The following KIF6 variants were observed in gnomAD, a reference collection of about 807,000 sequenced individuals.
KIF6 encodes the protein kinesin family member 6.
In KIF6, 106 loss-of-function variants were observed where a neutral mutation model predicts 112.7. That is an observed-to-expected ratio of 0.94 (90% CI 0.80 to 1.11). The LOEUF (loss-of-function observed/expected upper bound fraction) is 1.11, where lower values mean the gene tolerates loss of function less well. Ranked by LOEUF, KIF6 falls within the 50% of genes least tolerant of loss-of-function variation. The probability of loss-of-function intolerance (pLI) is 0.00; values close to 1 mark genes in which losing one functional copy is unlikely to be tolerated. For missense variants in KIF6, 929 were observed against 964.0 expected, an observed-to-expected ratio of 0.96 and a Z score of 0.48; for synonymous variants, 339 against 339.9, an observed-to-expected ratio of 1.00 and a Z score of 0.03.
At chr6:39,414,929 C>T (rs547211084) in intron 15 of KIF6, among the ~76,000 whole-genome samples, 1 of 152,210 alleles carries the variant, frequency 6.6e-6, no homozygotes, top group South Asian at 2.1e-4. Context: ...TGGCTCATGC[C>T]TGTAATCCCA....
intron 13 of KIF6, among the ~76,000 whole-genome samples, chr6:39,470,553 CG>C (rs1318392482): frequency 6.6e-6 from 1 of 152,060 alleles, no homozygotes; most frequent in Non-Finnish European, 1.5e-5. Flanking sequence ...AGGATGATTG[CG>C]GGGGAGGTCC....
chr6:39,720,761 G>A lies in KIF6; in HGVS notation c.117C>T (p.Ile39=). 6.2e-7 allele frequency: 1 copy of A among 1,609,450 alleles called. No homozygotes were observed. Among genetic ancestry groups the A allele is most frequent in the Non-Finnish European group, 8.5e-7 (1 of 1,175,914 alleles). The change falls in exon 2 of 23, where the codon ATC becomes ATT. Residue 39 remains isoleucine, a synonymous_variant. Transcript: ENST00000287152. ...ACCCATCTGCCAAATCACGTGGTAAGATGATTTCCAAGCTAGGTATTAATT... is the reference window on the plus strand; with the variant it reads ...ACCCATCTGCCAAATCACGTGGTAAAATGATTTCCAAGCTAGGTATTAATT... ...DEKLIPSLEI[I]LPRDLADGFV... is the part of the protein sequence containing the mutation.
chr6:39,585,674 CAA>C (rs1781588846), intron 8 of KIF6, among the ~76,000 whole-genome samples: 1 of 152,098 alleles, frequency 6.6e-6, no homozygotes, highest in African/African-American at 2.4e-5. Context: ...TGAAAGATCA[CAA>C]AATAAAGATT....
intron 10 of KIF6, among the ~76,000 whole-genome samples, chr6:39,570,552 T>TA (rs977230568): frequency 6.6e-6 from 1 of 152,200 alleles, no homozygotes; most frequent in Admixed American, 6.5e-5. Context: ...TACTAATTGA[T>TA]AGAGTTTGGC....
chr6:39,603,345 G>T (rs1782679304), intron 6 of KIF6, among the ~76,000 whole-genome samples: 2 of 152,136 alleles, frequency 1.3e-5, no homozygotes, highest in African/African-American at 2.4e-5. Context: ...TTGAGGCCAG[G>T]AGAGAGGTGC....
intron 13 of KIF6, among the ~76,000 whole-genome samples, chr6:39,446,782 G>A (rs983772420): frequency 6.6e-6 from 1 of 152,144 alleles, no homozygotes; most frequent in African/African-American, 2.4e-5. Context: ...GAGCCACTGA[G>A]CCTGGCCAAA....
At chr6:39,520,303 GAA>G (rs1761374236) in intron 13 of KIF6, among the ~76,000 whole-genome samples, 1 of 152,124 alleles carries the variant, frequency 6.6e-6, no homozygotes, top group Non-Finnish European at 1.5e-5. Flanking sequence ...CCACTTATAG[GAA>G]AAAATAAAAT....
chr6:39,375,287 A>G (rs1461356499), intron 16 of KIF6, among the ~76,000 whole-genome samples: 1 of 152,198 alleles, frequency 6.6e-6, no homozygotes, highest in Non-Finnish European at 1.5e-5. Context: ...TCTATTGCAC[A>G]GCAGTGTGAA....
intron 3 of KIF6, among the ~76,000 whole-genome samples, chr6:39,647,490 C>T (rs1453266253): frequency 1.3e-5 from 2 of 152,102 alleles, no homozygotes; most frequent in African/African-American, 4.8e-5. Flanking sequence ...TATATCATTA[C>T]AAGAAGCTGG....
chr6:39,337,207 C>T (rs1763049847), intron 22 of KIF6, among the ~76,000 whole-genome samples: 1 of 92,640 alleles, frequency 1.1e-5, no homozygotes, highest in African/African-American at 8.3e-5. Flanking sequence ...TTCTTTCTTT[C>T]TTTCTTTCTT....
intron 15 of KIF6, among the ~76,000 whole-genome samples, chr6:39,390,240 G>C (rs965828507): frequency 1.3e-5 from 2 of 152,112 alleles, no homozygotes; most frequent in East Asian, 3.9e-4. Context: ...AAGGGATAAC[G>C]CACCAGCATG....
In KIF6 at chr6:39,388,359, T is replaced by C. The variant is rs75072640; in HGVS notation, c.1811-2687A>G. On this transcript the variant is annotated intron_variant, in intron 15 of 22. Transcript: ENST00000287152. Reference sequence around the variant, plus strand: ...GTTTGGGAGGAGCTGCTCACGTAAATAAAGAGGGGATTTTGCCACCACAAG... The same window carrying C: ...GTTTGGGAGGAGCTGCTCACGTAAACAAAGAGGGGATTTTGCCACCACAAG... 8.9e-3 allele frequency among the ~76,000 whole-genome samples: 1,346 copies of C among 150,864 alleles called. 24 individuals carry two copies. The highest frequency in any genetic ancestry group is 0.027 in the African/African-American group (1,120 of 40,824).
chr6:39,510,754 T>G (rs1185664169), intron 13 of KIF6, among the ~76,000 whole-genome samples: 1 of 150,452 alleles, frequency 6.6e-6, no homozygotes, highest in Non-Finnish European at 1.5e-5. Context: ...GACTGGCAAA[T>G]TGGATAAAGA....
intron 6 of KIF6, among the ~76,000 whole-genome samples, chr6:39,600,690 G>C (rs1379060641): frequency 6.6e-6 from 1 of 151,966 alleles, no homozygotes; most frequent in Non-Finnish European, 1.5e-5. Flanking sequence ...CCTAAAAATA[G>C]GTGTGTCCTA....
At chr6:39,704,277 G>A (rs1446030206) in intron 3 of KIF6, among the ~76,000 whole-genome samples, 2 of 152,090 alleles carry the variant, frequency 1.3e-5, no homozygotes, top group Non-Finnish European at 1.5e-5. Flanking sequence ...GGATTGTCAT[G>A]GCAAATGAGG....
At position 39,624,153 on chromosome 6, in the gene KIF6, A is replaced by G. The variant is rs184085292; in HGVS notation, c.509+10696T>C. ...TGCTCTTTTCACATGTACATACATTATTAGTGGGATAGTCGAGTGTGGTGC... is the reference window on the plus strand; with the variant it reads ...TGCTCTTTTCACATGTACATACATTGTTAGTGGGATAGTCGAGTGTGGTGC... On this transcript the variant is annotated intron_variant, in intron 5 of 22. Transcript: ENST00000287152. 3.0e-4 allele frequency among the ~76,000 whole-genome samples: 45 copies of G among 152,310 alleles called. 1 individual carries two copies. Among genetic ancestry groups the G allele is most frequent in the Admixed American group, 6.5e-4 (10 of 15,290 alleles).
Position 39,614,929 on chromosome 6 carries a change from C to T in KIF6, c.510-1611G>A, listed in dbSNP as rs190080510. On this transcript the variant is annotated intron_variant, in intron 5 of 22. Transcript: ENST00000287152. Reference sequence around the variant, plus strand: ...ACGGAAGTAATGATTCTTCCTAAACCGACAGATTCTGGGGCTTATAGGTGA... The same window carrying T: ...ACGGAAGTAATGATTCTTCCTAAACTGACAGATTCTGGGGCTTATAGGTGA... Among the ~76,000 whole-genome samples, 10 of 152,068 alleles carry T rather than the reference C, an allele frequency of 6.6e-5. No individual in the cohort carries two copies. The East Asian group carries it at 1.4e-3, about 21-fold the overall frequency.
intron 13 of KIF6, among the ~76,000 whole-genome samples, chr6:39,486,969 A>T (rs1235407517): frequency 3.3e-5 from 5 of 152,226 alleles, no homozygotes; most frequent in Non-Finnish European, 7.3e-5. Context: ...GAGCCATAAC[A>T]ATTATAATGC....
Position 39,330,997 on chromosome 6 carries a change from A to G in KIF6, c.*5535T>C, listed in dbSNP as rs923209665. 3.3e-5 allele frequency: 5 copies of G among 152,450 alleles called. No homozygotes were observed. The East Asian group carries it at 5.8e-4, about 18-fold the overall frequency. 9.4% of individuals were successfully genotyped at this position (152,450 alleles called of 1,614,324 possible). A position where few individuals can be genotyped will look rare whatever the true frequency, so the allele number is the denominator to read the frequency against. On this transcript the variant is annotated 3_prime_UTR_variant, in exon 23 of 23. Transcript: ENST00000287152. ...TGCTCACATGGCCCAAATCCCCACA[A>G]GTCCCCTTTTTGCCAAGCTCCACGT...
Sources: allele counts gnomAD v4.1 joint callset (sites outside exome capture counted in the v4.1 genomes callset), GRCh38; gene constraint gnomAD v4.1.1; transcripts MANE v1.5; gene names NCBI Gene and HGNC (gene_info 2026-07-23, HGNC 2026-07-21).